Variants in MED14 observed in about 807,000 individuals in gnomAD.
MED14 encodes mediator of RNA polymerase II transcription subunit 14.
Under a neutral mutation model 109.0 loss-of-function variants are expected in MED14, and 8 were observed. The observed-to-expected ratio is 0.07, with a 90% confidence interval of 0.04 to 0.13. MED14 has a LOEUF of 0.13. Among genes scored for constraint, MED14 ranks in the 10% least tolerant of loss-of-function variants. MED14 has a pLI of 1.00. For synonymous variants in MED14, 399 were observed against 408.7 expected, an observed-to-expected ratio of 0.98 and a Z score of 0.29; for missense variants, 711 against 1,142.4, an observed-to-expected ratio of 0.62 and a Z score of 5.44.
chrX:40,701,773 C>CA (rs1038404716), intron 11 of MED14, among the ~76,000 whole-genome samples: 3 of 109,435 alleles, frequency 2.7e-5, no homozygotes, highest in East Asian at 2.8e-4. Context: ...GAATAATGAG[C>CA]AAAAAAAAGC....
At chrX:40,714,435 T>C (rs1040250146) in intron 4 of MED14, 102 bp downstream of exon 4, 3 of 923,114 alleles carry the variant, frequency 3.2e-6, no homozygotes, top group African/African-American at 4.0e-5. Flanking sequence ...ATATGTACTG[T>C]TTGTTTTAAC....
chrX:40,715,402 T>C (rs1432854884), intron 3 of MED14, among the ~76,000 whole-genome samples: 7 of 111,006 alleles, frequency 6.3e-5, no homozygotes, highest in Non-Finnish European at 1.3e-4. Flanking sequence ...TCTCACACTA[T>C]ACAAAAATGA....
At chrX:40,734,435 C>A (rs186749026) in intron 1 of MED14, among the ~76,000 whole-genome samples, 4 of 112,289 alleles carry the variant, frequency 3.6e-5, no homozygotes, top group African/African-American at 1.3e-4. Context: ...CAATTGATAA[C>A]CCTGATCTGA....
intron 16 of MED14, among the ~76,000 whole-genome samples, chrX:40,683,351 T>A (rs1375234864): frequency 8.9e-6 from 1 of 111,853 alleles, no homozygotes; most frequent in Non-Finnish European, 1.9e-5. Context: ...AACCACTCTT[T>A]GAAGACAGAA....
At chrX:40,668,441 G>T (rs1185207444) in intron 23 of MED14, among the ~76,000 whole-genome samples, 1 of 108,488 alleles carries the variant, frequency 9.2e-6, no homozygotes, top group Non-Finnish European at 1.9e-5. Context: ...TAGACTTATG[G>T]AGAGACTGAG....
intron 15 of MED14, among the ~76,000 whole-genome samples, chrX:40,691,296 C>T (rs765892247): frequency 8.9e-6 from 1 of 111,954 alleles, no homozygotes; most frequent in East Asian, 2.8e-4. Context: ...TAGAAAGGAT[C>T]CCGGTTTTAC....
intron 23 of MED14, 79 bp downstream of exon 23, chrX:40,671,782 A>C: frequency 1.7e-6 from 1 of 587,802 alleles, no homozygotes; most frequent in Non-Finnish European, 2.7e-6. Context: ...CTAGATGCAC[A>C]GTGCTTCTCA....
chrX:40,654,995 C>T lies in MED14; in HGVS notation c.4038G>A (p.Ala1346=), dbSNP rs763761670. The T allele has an allele frequency of 5.2e-5, 63 of 1,208,710 alleles. No individual in the cohort carries two copies. The highest frequency in any genetic ancestry group is 2.2e-4 in the Admixed American group (10 of 45,670). ...VQFCLTIPPS[A]PPIAPPGTPA... ...GCGTCCCAGGAGGTGCAATCGGCGG[C>T]GCGCTGGGAGGGATCGTCAGGCAAA... Residue 1346 remains alanine (A), a synonymous_variant, in exon 29 of 31, where the codon GCG becomes GCA. Transcript: ENST00000324817.
chrX:40,683,774 G>GA lies in MED14; in HGVS notation c.2058-779dup, dbSNP rs199938698. On this transcript the variant is annotated intron_variant, in intron 16 of 30. Coordinates refer to ENST00000324817, the MANE Select transcript of MED14 (RefSeq NM_004229.4). ...CCACTTTGCCACCTCCTCCTCTGTAGAGGTAACTCTTATTTTCATAGAGCT... is the reference window on the plus strand; with the variant it reads ...CCACTTTGCCACCTCCTCCTCTGTAGAAGGTAACTCTTATTTTCATAGAGCT... Among the ~76,000 whole-genome samples the GA allele has an allele frequency of 5.8e-3, 652 of 111,945 alleles. 8 individuals carry two copies. Among genetic ancestry groups the GA allele is most frequent in the African/African-American group, 0.02 (618 of 30,792 alleles).
chrX:40,692,465 AACAC>A lies in MED14; in HGVS notation c.1846-152_1846-149del, dbSNP rs1930557946. ...TATTTACTGAGTAAATACTGACCTA[AACAC>A]TGGTAATTTATTAGTAAATATTTTG... is the stretch of plus-strand genomic sequence containing the variant. On this transcript the variant is annotated intron_variant, in intron 14 of 30. Coordinates refer to ENST00000324817, the MANE Select transcript of MED14 (RefSeq NM_004229.4). 15 of 513,209 alleles carry A rather than the reference AACAC, an allele frequency of 2.9e-5. No individual in the cohort carries two copies. The South Asian group carries it at 5.2e-4, about 18-fold the overall frequency. The allele number at this position is 513,209 out of a possible 1,213,427, so 42.3% of individuals were successfully genotyped here. A position where few individuals can be genotyped will look rare whatever the true frequency, so the allele number is the denominator to read the frequency against.
chrX:40,701,081 G>A (rs1930918626), intron 12 of MED14, 84 bp downstream of exon 12: 2 of 656,217 alleles, frequency 3.0e-6, no homozygotes, highest in Middle Eastern at 4.3e-4. Context: ...GACAGTGAAT[G>A]ACCAAGAGTA....
intron 3 of MED14, among the ~76,000 whole-genome samples, chrX:40,716,824 A>G (rs1237210357): frequency 8.9e-6 from 1 of 111,917 alleles, no homozygotes; most frequent in East Asian, 2.8e-4. Flanking sequence ...AATACTATTC[A>G]GCCATAAAAA....
At chrX:40,706,325 CA>C (rs1300279307) in intron 10 of MED14, among the ~76,000 whole-genome samples, 1 of 111,628 alleles carries the variant, frequency 9.0e-6, no homozygotes, top group Non-Finnish European at 1.9e-5. Flanking sequence ...TAGCAGTCCT[CA>C]TTTCTAGAAC....
chrX:40,708,811 A>T (rs928625991), intron 10 of MED14, among the ~76,000 whole-genome samples: 7 of 111,812 alleles, frequency 6.3e-5, no homozygotes, highest in East Asian at 2.8e-4. Flanking sequence ...ATTTTTAAAA[A>T]TTTTTTAAAA....
At chrX:40,654,911 G>A in intron 29 of MED14, 24 bp downstream of exon 29, 3 of 1,199,894 alleles carry the variant, frequency 2.5e-6, no homozygotes, top group Non-Finnish European at 3.4e-6. Context: ...CTCTGTACAT[G>A]CACACATGCT....
rs1931283189 is a variant in MED14 at position 40,710,039 on chromosome X, C to G, written c.1113G>C (p.Gln371His). The G allele has an allele frequency of 8.5e-7, 1 of 1,180,009 alleles. No homozygotes were observed. Among genetic ancestry groups the G allele is most frequent in the African/African-American group, 1.8e-5 (1 of 56,811 alleles). ...IDENDVSKPL[Q>H]IFHDPPLPAS... is the part of the protein sequence containing the mutation. ...CTGGCAAAGGAGGATCGTGAAAAATCTGTAAAGGCTTGGAGACATCATTCT... is the reference window on the plus strand; with the variant it reads ...CTGGCAAAGGAGGATCGTGAAAAATGTGTAAAGGCTTGGAGACATCATTCT... The change falls in exon 9 of 31, where the codon CAG (glutamine) becomes CAC (histidine). Residue 371 changes from glutamine (Q) to histidine (H), a missense_variant. By Grantham distance (24) the Gln-to-His change is conservative. This residue lies in a region of MED14 where 388 missense variants were observed against 517.3 expected (regional missense o/e 0.75). Coordinates refer to ENST00000324817, the MANE Select transcript of MED14 (RefSeq NM_004229.4).
chrX:40,656,910 C>T (rs1370803977), intron 28 of MED14, among the ~76,000 whole-genome samples: 3 of 111,833 alleles, frequency 2.7e-5, no homozygotes, highest in East Asian at 5.6e-4. Flanking sequence ...TTTTTTGAGA[C>T]GGAGTCTTGC....
chrX:40,685,381 G>C (rs1930258046), intron 16 of MED14, among the ~76,000 whole-genome samples: 1 of 112,321 alleles, frequency 8.9e-6, no homozygotes, highest in Non-Finnish European at 1.9e-5. Context: ...AGCAGCATGA[G>C]TGTGCCTAAA....
intron 22 of MED14, among the ~76,000 whole-genome samples, chrX:40,674,852 G>T (rs968567341): frequency 8.9e-6 from 1 of 112,302 alleles, no homozygotes; most frequent in Non-Finnish European, 1.9e-5. Context: ...TTCTCTGTAG[G>T]AGTCCCTACT....
Sources: allele counts gnomAD v4.1 joint callset (sites outside exome capture counted in the v4.1 genomes callset), GRCh38; gene constraint gnomAD v4.1.1; regional missense constraint gnomAD v4.1.1; transcripts MANE v1.5; gene names NCBI Gene and HGNC (gene_info 2026-07-23, HGNC 2026-07-21).